The following RTCA variants were observed in gnomAD, a reference collection of about 807,000 sequenced individuals.
The protein encoded by RTCA is RNA 3'-terminal phosphate cyclase, also known as RNA terminal phosphate cyclase domain 1.
RTCA carries 37 observed loss-of-function variants against 46.1 expected under a neutral mutation model. That is an observed-to-expected ratio of 0.80 (90% CI 0.62 to 1.06). The LOEUF (loss-of-function observed/expected upper bound fraction) is 1.06, where lower values mean the gene tolerates loss of function less well. Ranked by LOEUF, RTCA falls within the 50% of genes least tolerant of loss-of-function variation. The pLI is 0.00. For missense variants in RTCA, 435 were observed against 455.5 expected, an observed-to-expected ratio of 0.95 and a Z score of 0.41; for synonymous variants, 164 against 158.3, an observed-to-expected ratio of 1.04 and a Z score of -0.27.
At chr1:100,277,365 C>G (rs1286804998) in intron 8 of RTCA, 49 bp downstream of exon 8, 2 of 1,470,296 alleles carry the variant, frequency 1.4e-6, no homozygotes, top group Non-Finnish European at 1.9e-6. Context: ...CTGCAGAATT[C>G]TTTAATCCAT....
chr1:100,267,334 A>G (rs1039232924), intron 2 of RTCA: 12 of 616,556 alleles, frequency 1.9e-5, no homozygotes, highest in Non-Finnish European at 2.7e-5. Flanking sequence ...GCAATTACTG[A>G]TATGTTAATG....
At position 100,266,258 on chromosome 1, in the gene RTCA, T is replaced by A; in HGVS notation, c.-118T>A. ...CGCTTCTTCCGCTTTCTCGTCAGGC[T>A]CCTGCGCCCCAGGCATGAACCAAGG... is the stretch of plus-strand genomic sequence containing the variant. On this transcript the variant is annotated 5_prime_UTR_variant, in exon 1 of 11. Transcript: ENST00000370128. 1 of 867,782 alleles carries A rather than the reference T, an allele frequency of 1.2e-6. No individual in the cohort carries two copies. The highest frequency in any genetic ancestry group is 1.7e-6 in the Non-Finnish European group (1 of 603,010). The allele number at this position is 867,782 out of a possible 1,614,324, so 53.8% of individuals were successfully genotyped here.
chr1:100,273,397 T>G lies in RTCA; in HGVS notation c.418T>G (p.Phe140Val). Residue 140 changes from phenylalanine to valine, a missense_variant, in exon 5 of 11, where the codon TTC becomes GTC. Phe to Val is a conservative substitution (Grantham distance 50). Coordinates refer to ENST00000370128, the MANE Select transcript of RTCA (RefSeq NM_003729.4). ...TGATAAAAACTGATTTTTTCAGGTC[T>G]TCAAGCCAATTGTTGAAAAATTTGG... ...APQIDYTVMV[F>V]KPIVEKFGFI... 4 of 1,577,780 alleles carry G rather than the reference T, an allele frequency of 2.5e-6. No homozygotes were observed. Among genetic ancestry groups the G allele is most frequent in the Non-Finnish European group, 2.6e-6 (3 of 1,157,612 alleles).
At chr1:100,273,475 G>A (rs778650265) in intron 5 of RTCA, 23 bp downstream of exon 5, 2 of 1,472,696 alleles carry the variant, frequency 1.4e-6, no homozygotes, top group Non-Finnish European at 1.9e-6. Flanking sequence ...TTTCTTAAAT[G>A]TTAGGATCTA....
intron 10 of RTCA, among the ~76,000 whole-genome samples, chr1:100,290,211 A>AT (rs1435963366): frequency 6.6e-6 from 1 of 152,098 alleles, no homozygotes; most frequent in Non-Finnish European, 1.5e-5. Flanking sequence ...GAATCCTAAG[A>AT]TTTTAGGCAT....
At chr1:100,273,610 A>G (rs1666218024) in intron 5 of RTCA, among the ~76,000 whole-genome samples, 158 bp downstream of exon 5, 1 of 152,214 alleles carries the variant, frequency 6.6e-6, no homozygotes, top group African/African-American at 2.4e-5. Flanking sequence ...AATGAATAGC[A>G]GGAGCATGGG....
At chr1:100,267,361 T>G in intron 2 of RTCA, 1 of 944,782 alleles carries the variant, frequency 1.1e-6, no homozygotes, top group East Asian at 3.0e-5. Context: ...GCCTTTGTCA[T>G]AGTTTGCAGC....
In RTCA at chr1:100,287,120, G is replaced by GC; in HGVS notation, c.918dup (p.Asn307GlnfsTer23). 6.3e-7 allele frequency: 1 copy of GC among 1,576,466 alleles called. No individual in the cohort carries two copies. On this transcript the variant is annotated frameshift_variant, in exon 10 of 11. Transcript: ENST00000370128. LOFTEE classifies it high-confidence loss of function. ...ATAGCTGATTGTTTTCATGGCATTA[G>GC]CCAATGGAGTTTCCAGAATAAAAAC...
intron 4 of RTCA, among the ~76,000 whole-genome samples, chr1:100,271,951 GTC>G (rs1666121484): frequency 6.6e-6 from 1 of 152,166 alleles, no homozygotes; most frequent in African/African-American, 2.4e-5. Flanking sequence ...TAGGCTTTGA[GTC>G]TGGGTTTTTT....
Position 100,291,386 on chromosome 1 carries a change from T to A in RTCA, c.1000-17T>A. 1.3e-6 allele frequency: 2 copies of A among 1,546,074 alleles called. No homozygotes were observed. The highest frequency in any genetic ancestry group is 8.9e-7 in the Non-Finnish European group (1 of 1,122,912). ...ATCTCTCTTCGTATTACTTATATAC[T>A]CCTCTTCTGATTTCAGGCTAAATTT... On this transcript the variant is annotated splice_polypyrimidine_tract_variant and intron_variant, in intron 10 of 10. Transcript: ENST00000370128.
At chr1:100,272,963 G>A (rs965146007) in intron 4 of RTCA, among the ~76,000 whole-genome samples, 1 of 152,138 alleles carries the variant, frequency 6.6e-6, no homozygotes, top group Non-Finnish European at 1.5e-5. Context: ...TATGATGTCA[G>A]GAAAATGCTT....
intron 3 of RTCA, 97 bp from the exon 4 acceptor site, chr1:100,270,460 A>T (rs1054754193): frequency 1.5e-5 from 22 of 1,444,330 alleles, no homozygotes; most frequent in Non-Finnish European, 5.7e-6. Context: ...TCTGTGCTTT[A>T]GTTGGTAGTG....
At chr1:100,272,138 C>T (rs1403343719) in intron 4 of RTCA, among the ~76,000 whole-genome samples, 1 of 152,152 alleles carries the variant, frequency 6.6e-6, no homozygotes, top group Non-Finnish European at 1.5e-5. Context: ...CATTCATATA[C>T]AAGTTTTTGT....
chr1:100,290,023 CTAAT>C (rs989524057), intron 10 of RTCA, among the ~76,000 whole-genome samples: 6 of 152,170 alleles, frequency 3.9e-5, no homozygotes, highest in African/African-American at 1.4e-4. Context: ...GCATATATTA[CTAAT>C]TAATTAATAT....
In RTCA at chr1:100,266,316, T is replaced by G; in HGVS notation, c.-60T>G. 6.3e-7 allele frequency: 1 copy of G among 1,591,294 alleles called. No homozygotes were observed. Among genetic ancestry groups the G allele is most frequent in the Non-Finnish European group, 8.5e-7 (1 of 1,172,924 alleles). On this transcript the variant is annotated 5_prime_UTR_variant, in exon 1 of 11. Coordinates refer to ENST00000370128, the MANE Select transcript of RTCA (RefSeq NM_003729.4). The stretch of plus-strand genomic sequence containing the variant: ...ACTACTGGGCGGGAGCCAACGTCTC[T>G]TCTTTCTCCCGCTCTGGCGGAGGCT...
intron 2 of RTCA, chr1:100,266,832 G>C (rs1404123866): frequency 1.8e-6 from 1 of 557,976 alleles, no homozygotes; most frequent in African/African-American, 1.9e-5. Flanking sequence ...AAATGGTCTC[G>C]AGTTTTCTCT....
At chr1:100,268,821 G>A (rs1009721819) in intron 3 of RTCA, among the ~76,000 whole-genome samples, 7 of 152,042 alleles carry the variant, frequency 4.6e-5, no homozygotes, top group African/African-American at 9.7e-5. Context: ...AGGCTATGTC[G>A]AATTCCCTTT....
intron 4 of RTCA, among the ~76,000 whole-genome samples, 162 bp from the exon 5 acceptor site, chr1:100,273,231 GT>G (rs1245552617): frequency 6.6e-6 from 1 of 151,996 alleles, no homozygotes; most frequent in Non-Finnish European, 1.5e-5. Context: ...CTACATATCA[GT>G]TTTTTTATTT....
At chr1:100,268,104 G>A in intron 2 of RTCA, 48 bp from the exon 3 acceptor site, 1 of 1,605,036 alleles carries the variant, frequency 6.2e-7, no homozygotes, top group Non-Finnish European at 8.5e-7. Flanking sequence ...ATGTGGGGAT[G>A]TAGGCAGTCT....
Sources: allele counts gnomAD v4.1 joint callset (sites outside exome capture counted in the v4.1 genomes callset), GRCh38; gene constraint gnomAD v4.1.1; transcripts MANE v1.5; gene names NCBI Gene and HGNC (gene_info 2026-07-23, HGNC 2026-07-21).